The following KIF26B variants were observed in gnomAD, a reference collection of about 807,000 sequenced individuals.
The protein encoded by KIF26B is kinesin-like protein KIF26B.
In KIF26B, 63 loss-of-function variants were observed where a neutral mutation model predicts 151.2. The ratio of observed to expected loss-of-function variants is 0.42; its 90% CI spans 0.34 to 0.51. The LOEUF (loss-of-function observed/expected upper bound fraction) is 0.51, where lower values mean the gene tolerates loss of function less well. Ranked by LOEUF, KIF26B falls within the 20% of genes least tolerant of loss-of-function variation. KIF26B has a pLI of 0.07. For synonymous variants in KIF26B, 1,357 were observed against 1,262.1 expected, an observed-to-expected ratio of 1.08 and a Z score of -1.59; for missense variants, 2,813 against 2,913.6, an observed-to-expected ratio of 0.97 and a Z score of 0.79.
intron 2 of KIF26B, among the ~76,000 whole-genome samples, chr1:245,328,799 T>C (rs535814848): frequency 1.3e-4 from 20 of 152,190 alleles, no homozygotes; most frequent in Non-Finnish European, 2.2e-4. Context: ...ACAGGTCCAG[T>C]TGTCGCTCAT....
chr1:245,557,428 A>G (rs1662066948), intron 5 of KIF26B, among the ~76,000 whole-genome samples: 1 of 152,178 alleles, frequency 6.6e-6, no homozygotes, highest in South Asian at 2.1e-4. Flanking sequence ...CCTACGGAAG[A>G]TATTCAGTTT....
chr1:245,605,959 A>G lies in KIF26B; in HGVS notation c.1558-1692A>G, dbSNP rs527517352. On this transcript the variant is annotated intron_variant, in intron 6 of 14. Coordinates refer to ENST00000407071, the MANE Select transcript of KIF26B (RefSeq NM_018012.4). ...CTTATTTTATGTATAGCTCAAGGTG[A>G]TTTCTCAGCCTCCTGCCTCCCATCC... Among the ~76,000 whole-genome samples, 7 of 152,190 alleles carry G rather than the reference A, an allele frequency of 4.6e-5. No individual in the cohort carries two copies. In the South Asian group the frequency reaches 1.5e-3, roughly 32 times the overall value.
chr1:245,510,303 G>A (rs1200099945), intron 4 of KIF26B, among the ~76,000 whole-genome samples: 1 of 152,206 alleles, frequency 6.6e-6, no homozygotes, highest in East Asian at 1.9e-4. Context: ...AATGAAACGT[G>A]CATGCAGATG....
chr1:245,414,521 AAC>A (rs1674370956), intron 3 of KIF26B, among the ~76,000 whole-genome samples: 1 of 152,150 alleles, frequency 6.6e-6, no homozygotes, highest in South Asian at 2.1e-4. Flanking sequence ...TTCCTTCAGA[AAC>A]AGTCGGAAGT....
chr1:245,262,438 TTTTG>T (rs1200667684), intron 2 of KIF26B, among the ~76,000 whole-genome samples: 1 of 152,112 alleles, frequency 6.6e-6, no homozygotes. Context: ...TGAGTTCTTT[TTTTG>T]TTTATTTGTT....
At chr1:245,351,498 A>G (rs1400071885) in intron 2 of KIF26B, among the ~76,000 whole-genome samples, 1 of 152,222 alleles carries the variant, frequency 6.6e-6, no homozygotes, top group Admixed American at 6.5e-5. Context: ...TCACGTGTTA[A>G]ACATAGGGAA....
chr1:245,273,891 C>A (rs1163625457), intron 2 of KIF26B, among the ~76,000 whole-genome samples: 2 of 152,174 alleles, frequency 1.3e-5, no homozygotes, highest in Non-Finnish European at 2.9e-5. Context: ...CAAGGACTTA[C>A]TATTGCCATT....
chr1:245,394,684 C>T (rs796133637), intron 3 of KIF26B, among the ~76,000 whole-genome samples: 50 of 124,370 alleles, frequency 4.0e-4, no homozygotes, highest in African/African-American at 1.3e-3. Context: ...AAGTTTTTTT[C>T]TTTCTTTTTT....
At position 245,546,858 on chromosome 1, in the gene KIF26B, A is replaced by C. The variant is rs76792617; in HGVS notation, c.1350+5908A>C. Among the ~76,000 whole-genome samples, 1,423 of 152,368 alleles carry C rather than the reference A, an allele frequency of 9.3e-3. 50 individuals are homozygous for C. The East Asian group carries it at 0.14, about 15-fold the overall frequency. ...CTGGGAAATTAACTCATGTGACGTT[A>C]AACTCCATAGTTAAGCTTACGTAGA... On this transcript the variant is annotated intron_variant, in intron 5 of 14. Transcript: ENST00000407071.
Position 245,684,114 on chromosome 1 carries a change from A to T in KIF26B, c.2259-119A>T, listed in dbSNP as rs990769344. 1.3e-5 allele frequency: 14 copies of T among 1,052,878 alleles called. No individual in the cohort carries two copies. In the African/African-American group the frequency reaches 2.2e-4, roughly 17 times the overall value. 65.2% of individuals were successfully genotyped at this position (1,052,878 alleles called of 1,614,324 possible). A position where few individuals can be genotyped will look rare whatever the true frequency, so the allele number is the denominator to read the frequency against. Reference sequence around the variant, plus strand: ...AAATGATGCTAATTAGTATGCCATTAAAAAGGGTGGGGGGACCACCACCCA... The same window carrying T: ...AAATGATGCTAATTAGTATGCCATTTAAAAGGGTGGGGGGACCACCACCCA... On this transcript the variant is annotated intron_variant, in intron 10 of 14. Transcript: ENST00000407071.
At chr1:245,217,878 A>T (rs572221948) in intron 2 of KIF26B, among the ~76,000 whole-genome samples, 1 of 152,094 alleles carries the variant, frequency 6.6e-6, no homozygotes, top group African/African-American at 2.4e-5. Flanking sequence ...ATCCCATTTG[A>T]TCATCACCAA....
rs1304613699 is a variant in KIF26B, at chr1:245,685,580, T to C, written c.2597T>C (p.Ile866Thr). ...SSSEQSCDTV[I>T]YIGPNGTALS... The stretch of plus-strand genomic sequence containing the variant: ...AGCGAGCAGTCCTGCGACACCGTCA[T>C]CTACATCGGGCCCAACGGCACGGCC... Residue 866 changes from isoleucine (I) to threonine (T), a missense_variant, in exon 12 of 15, where the codon ATC (isoleucine) becomes ACC (threonine). By Grantham distance (89) the Ile-to-Thr change is moderately conservative. Coordinates refer to ENST00000407071, the MANE Select transcript of KIF26B (RefSeq NM_018012.4). 5 of 1,613,708 alleles carry C rather than the reference T, an allele frequency of 3.1e-6. No individual in the cohort carries two copies. Among genetic ancestry groups the C allele is most frequent in the East Asian group, 2.2e-5 (1 of 44,880 alleles).
intron 2 of KIF26B, among the ~76,000 whole-genome samples, chr1:245,223,629 C>T (rs954647973): frequency 1.3e-5 from 2 of 152,174 alleles, no homozygotes; most frequent in African/African-American, 2.4e-5. Context: ...AATGGAATAA[C>T]AACAGATGCA....
intron 2 of KIF26B, among the ~76,000 whole-genome samples, chr1:245,250,057 C>A (rs1453228167): frequency 1.3e-5 from 2 of 151,996 alleles, no homozygotes; most frequent in South Asian, 4.2e-4. Context: ...TAACATGATC[C>A]GTGTAGCTTT....
chr1:245,698,092 AT>A lies in KIF26B; in HGVS notation c.5825-13del. On this transcript the variant is annotated splice_polypyrimidine_tract_variant and intron_variant, in intron 12 of 14. Transcript: ENST00000407071. The surrounding 1 kb of genome is among the most constrained non-coding windows in gnomAD (Gnocchi z 4.0). ...TCAGAAAGACTAACTCTCTGGGCTT[AT>A]CCCCCTCCTCAGGTTCTCAGAGACG... The A allele has an allele frequency of 5.6e-6, 9 of 1,607,628 alleles. No individual in the cohort carries two copies. The highest frequency in any genetic ancestry group is 7.7e-6 in the Non-Finnish European group (9 of 1,176,424).
At chr1:245,408,340 T>C (rs893203611) in intron 3 of KIF26B, among the ~76,000 whole-genome samples, 2 of 147,588 alleles carry the variant, frequency 1.4e-5, no homozygotes, top group Non-Finnish European at 3.0e-5. Flanking sequence ...AAATGATTCT[T>C]AAATGATTCT....
Position 245,338,143 on chromosome 1 carries a change from C to T in KIF26B, c.466-28691C>T, listed in dbSNP as rs1225169206. Among the ~76,000 whole-genome samples the T allele has an allele frequency of 2.0e-5, 3 of 152,182 alleles. No homozygotes were observed. In the East Asian group the frequency reaches 5.8e-4, roughly 29 times the overall value. On this transcript the variant is annotated intron_variant, in intron 2 of 14. Transcript: ENST00000407071. ...ACATTCGTAGTAGACGCTGAATCAT[C>T]AAAAGCTTGAATTATATCTCATAAC...
intron 9 of KIF26B, among the ~76,000 whole-genome samples, chr1:245,621,695 A>G (rs1041376545): frequency 2.0e-5 from 3 of 152,190 alleles, no homozygotes; most frequent in Admixed American, 1.3e-4. Context: ...CTGTGTAACT[A>G]CACTTTCTCC....
In KIF26B at chr1:245,667,838, A is replaced by G. The variant is rs1175631919; in HGVS notation, c.2259-16395A>G. ...AAGGGACCAAAGAGGTGGCATGAGT[A>G]GCATGAGTCAGATGTGATTAATTCC... On this transcript the variant is annotated intron_variant, in intron 10 of 14. Transcript: ENST00000407071. This position sits in a 1 kb window ranked among gnomAD's most constrained non-coding sequence, Gnocchi z 4.3. Among the ~76,000 whole-genome samples the G allele has an allele frequency of 6.6e-6, 1 of 152,222 alleles. No homozygotes were observed. Among genetic ancestry groups the G allele is most frequent in the African/African-American group, 2.4e-5 (1 of 41,462 alleles).
Sources: allele counts gnomAD v4.1 joint callset (sites outside exome capture counted in the v4.1 genomes callset), GRCh38; gene constraint gnomAD v4.1.1; non-coding constraint Gnocchi (gnomAD v3.1); transcripts MANE v1.5; gene names NCBI Gene and HGNC (gene_info 2026-07-23, HGNC 2026-07-21).